The following FGF14 variants were observed in gnomAD, a reference collection of about 807,000 sequenced individuals.
FGF14 encodes fibroblast growth factor homologous factor 4.
In FGF14, 5 loss-of-function variants were observed where a neutral mutation model predicts 25.5. That is an observed-to-expected ratio of 0.20 (90% CI 0.10 to 0.41). The LOEUF is 0.41. Ranked by LOEUF, FGF14 falls within the 10% of genes least tolerant of loss-of-function variation. The probability of loss-of-function intolerance (pLI) is 1.00; values close to 1 mark genes in which losing one functional copy is unlikely to be tolerated. For synonymous variants in FGF14, 138 were observed against 118.3 expected, an observed-to-expected ratio of 1.17 and a Z score of -1.08; for missense variants, 222 against 320.1, an observed-to-expected ratio of 0.69 and a Z score of 2.34.
At chr13:102,353,429 C>T (rs2057342450) in intron 1 of FGF14, among the ~76,000 whole-genome samples, 1 of 152,152 alleles carries the variant, frequency 6.6e-6, no homozygotes, top group Admixed American at 6.5e-5. Flanking sequence ...CCAACCTAGG[C>T]CCCTCTTCTA....
At chr13:101,976,250 G>GT (rs1370790631) in intron 1 of FGF14, among the ~76,000 whole-genome samples, 1 of 151,916 alleles carries the variant, frequency 6.6e-6, no homozygotes, top group African/African-American at 2.4e-5. Context: ...TAATGTCTCA[G>GT]TTTTTTCTCT....
At chr13:101,886,211 T>C (rs2045981438) in intron 1 of FGF14, among the ~76,000 whole-genome samples, 1 of 152,122 alleles carries the variant, frequency 6.6e-6, no homozygotes, top group Non-Finnish European at 1.5e-5. Context: ...CCAAGGAAGA[T>C]GATCATCCTT....
intron 1 of FGF14, among the ~76,000 whole-genome samples, chr13:101,894,835 T>C (rs1408637060): frequency 6.6e-6 from 1 of 152,174 alleles, no homozygotes; most frequent in Non-Finnish European, 1.5e-5. Flanking sequence ...TGCTCTTTAT[T>C]AGTCACCTTC....
chr13:102,391,831 C>G (rs1431492101), intron 1 of FGF14, among the ~76,000 whole-genome samples: 1 of 152,214 alleles, frequency 6.6e-6, no homozygotes, highest in Non-Finnish European at 1.5e-5. Context: ...TGACTCAGTT[C>G]TCCTAGCAGA....
At chr13:102,326,730 GGAAGGAAGGAAGGAAGGAAGGAAA>G (rs2056457330) in intron 1 of FGF14, among the ~76,000 whole-genome samples, 2 of 99,676 alleles carry the variant, frequency 2.0e-5, no homozygotes, top group African/African-American at 8.8e-5. Context: ...AAGGAAGGAA[GGAAGGAAGGAAGGAAGGAAGGAAA>G]GAGGGAGGGA....
chr13:102,085,818 G>T (rs1475237996), intron 1 of FGF14, among the ~76,000 whole-genome samples: 1 of 152,068 alleles, frequency 6.6e-6, no homozygotes, highest in Non-Finnish European at 1.5e-5. Context: ...CCCTTAAGAT[G>T]GACTGAAAAT....
chr13:101,981,757 T>C (rs1238461831), intron 1 of FGF14, among the ~76,000 whole-genome samples: 1 of 152,202 alleles, frequency 6.6e-6, no homozygotes, highest in Non-Finnish European at 1.5e-5. Flanking sequence ...TTCAGGGGTC[T>C]GTTGAAGATT....
At chr13:101,932,984 A>G (rs2034866772) in intron 1 of FGF14, among the ~76,000 whole-genome samples, 1 of 152,054 alleles carries the variant, frequency 6.6e-6, no homozygotes, top group Admixed American at 6.6e-5. Context: ...CTGAAGTCCT[A>G]TTTCTTCCTA....
At chr13:102,275,206 C>A (rs1020742420) in intron 1 of FGF14, among the ~76,000 whole-genome samples, 2 of 146,474 alleles carry the variant, frequency 1.4e-5, no homozygotes, top group African/African-American at 5.1e-5. Flanking sequence ...GCAGAAGCTG[C>A]TAATCTGCCA....
intron 1 of FGF14, among the ~76,000 whole-genome samples, chr13:102,071,643 G>A (rs531529327): frequency 3.9e-5 from 6 of 152,156 alleles, no homozygotes; most frequent in East Asian, 1.9e-4. Context: ...AAAGTGATCC[G>A]TTTACTTCTT....
chr13:102,285,907 G>A lies in FGF14; in HGVS notation c.208+115564C>T, dbSNP rs556149494. 3.9e-5 allele frequency among the ~76,000 whole-genome samples: 6 copies of A among 152,284 alleles called. No individual in the cohort carries two copies. In the South Asian group the frequency reaches 6.2e-4, roughly 16 times the overall value. On this transcript the variant is annotated intron_variant, in intron 1 of 4. Transcript: ENST00000376131. The stretch of plus-strand genomic sequence containing the variant: ...AAAGGGTTGCAGAGTTGCAGAGATC[G>A]TAGTACAAGATAGAGGATTGGTGAG...
chr13:102,357,122 T>TC (rs2057439828), intron 1 of FGF14, among the ~76,000 whole-genome samples: 1 of 13,002 alleles, frequency 7.7e-5, no homozygotes. Context: ...TCCATTATAA[T>TC]GTTTTTTTTT....
intron 1 of FGF14, among the ~76,000 whole-genome samples, chr13:102,260,029 C>G (rs767967455): frequency 1.7e-4 from 26 of 152,066 alleles, no homozygotes; most frequent in Non-Finnish European, 3.1e-4. Flanking sequence ...TAAGGGTGAG[C>G]ACATCACTAG....
chr13:101,906,089 C>T (rs78278461), intron 1 of FGF14, among the ~76,000 whole-genome samples: 6,062 of 152,226 alleles, frequency 0.04, 436 homozygotes, highest in African/African-American at 0.14. Context: ...ACTGCTTCTA[C>T]CTAGCATAGA....
chr13:102,141,228 G>C lies in FGF14; in HGVS notation c.208+260243C>G, dbSNP rs140944660. 9.4e-3 allele frequency among the ~76,000 whole-genome samples: 1,437 copies of C among 152,300 alleles called. 7 individuals are homozygous for C. The highest frequency in any genetic ancestry group is 0.016 in the Non-Finnish European group (1,062 of 68,010). ...TCAACTTTGGTCACCCAGGAAAATG[G>C]ACGTGTTGAATGAAGGCAGTGACTG... is the stretch of plus-strand genomic sequence containing the variant. On this transcript the variant is annotated intron_variant, in intron 1 of 4. Coordinates refer to the FGF14 transcript ENST00000376131.
chr13:102,089,086 CA>C (rs1168247872), intron 1 of FGF14, among the ~76,000 whole-genome samples: 2 of 152,150 alleles, frequency 1.3e-5, no homozygotes, highest in Non-Finnish European at 2.9e-5. Context: ...ATTCAGAATA[CA>C]ATCTTAATTT....
intron 1 of FGF14, among the ~76,000 whole-genome samples, chr13:102,087,787 T>A (rs2043993105): frequency 6.6e-6 from 1 of 152,040 alleles, no homozygotes; most frequent in South Asian, 2.1e-4. Flanking sequence ...TAGTATTAGA[T>A]GTTGTCTAAA....
chr13:102,127,883 A>G (rs1028673251), intron 1 of FGF14, among the ~76,000 whole-genome samples: 8 of 152,262 alleles, frequency 5.3e-5, no homozygotes, highest in Admixed American at 3.3e-4. Context: ...GCTGGCAGCT[A>G]TCAGCTGTCT....
At chr13:102,354,934 C>T (rs2139001944) in intron 1 of FGF14, among the ~76,000 whole-genome samples, 1 of 152,174 alleles carries the variant, frequency 6.6e-6, no homozygotes, top group East Asian at 1.9e-4. Flanking sequence ...CTTCCTTGAC[C>T]TCCCCTCACA....
Sources: gnomAD v4.1 joint callset for allele counts (sites outside exome capture counted in the v4.1 genomes callset) on GRCh38, gnomAD v4.1.1 for gene constraint, MANE v1.5 for transcripts, NCBI Gene and HGNC (gene_info 2026-07-23, HGNC 2026-07-21) for gene names.